The following UBE3A variants were observed in gnomAD, a reference collection of about 807,000 sequenced individuals.
UBE3A encodes ubiquitin-protein ligase E3A.
A neutral mutation model predicts 83.4 loss-of-function variants in UBE3A; 6 were observed. The ratio of observed to expected loss-of-function variants is 0.07; its 90% confidence interval spans 0.04 to 0.14. UBE3A has a LOEUF of 0.14. Ranked by LOEUF, UBE3A falls within the 10% of genes least tolerant of loss-of-function variation. The probability of loss-of-function intolerance (pLI) is 1.00; values close to 1 mark genes in which losing one functional copy is unlikely to be tolerated. For synonymous variants in UBE3A, 337 were observed against 355.4 expected (o/e 0.95, Z 0.58); for missense variants, 456 against 1,036.1 (o/e 0.44, Z 7.69).
intron 4 of UBE3A, among the ~76,000 whole-genome samples, chr15:25,389,656 G>C (rs1055506895): frequency 6.6e-6 from 1 of 152,194 alleles, no homozygotes; most frequent in South Asian, 2.1e-4. Context: ...GGGAGGCCAA[G>C]GTGGGTGGAT....
chr15:25,405,427 A>G (rs1267601785), intron 4 of UBE3A, 34 bp downstream of exon 4: 2 of 1,612,750 alleles, frequency 1.2e-6, no homozygotes, highest in East Asian at 2.2e-5. Flanking sequence ...GCAACTCAAA[A>G]TAAGAACCAC....
intron 7 of UBE3A, among the ~76,000 whole-genome samples, chr15:25,358,286 G>A (rs1047507100): frequency 6.6e-6 from 1 of 151,916 alleles, no homozygotes; most frequent in Admixed American, 6.6e-5. Context: ...GCATGGGGAT[G>A]GTTTGAGTCT....
intron 4 of UBE3A, among the ~76,000 whole-genome samples, chr15:25,378,835 A>C (rs938999655): frequency 6.6e-6 from 1 of 152,206 alleles, no homozygotes; most frequent in Non-Finnish European, 1.5e-5. Context: ...TTATGCATCT[A>C]TCTGGTACCA....
At chr15:25,418,674 A>G (rs1405993918) in intron 1 of UBE3A, 1 of 152,152 alleles carries the variant, frequency 6.6e-6, no homozygotes, top group East Asian at 1.9e-4. Context: ...AGGTGTATAC[A>G]TTTGTCACAG....
At chr15:25,398,885 C>T (rs534841256) in intron 4 of UBE3A, among the ~76,000 whole-genome samples, 30 of 143,712 alleles carry the variant, frequency 2.1e-4, no homozygotes, top group African/African-American at 7.1e-4. Flanking sequence ...TCTGAGCAAA[C>T]GTCATGCTAT....
chr15:25,419,517 A>C (rs1888674803), intron 1 of UBE3A: 1 of 152,114 alleles, frequency 6.6e-6, no homozygotes, highest in Non-Finnish European at 1.5e-5. Context: ...ATGTTTAAGA[A>C]ATTTTTTCAA....
chr15:25,379,618 A>T (rs1297755909), intron 4 of UBE3A, among the ~76,000 whole-genome samples: 4 of 152,144 alleles, frequency 2.6e-5, no homozygotes, highest in Non-Finnish European at 4.4e-5. Context: ...CTAATTTAGG[A>T]TATGTAAAAG....
At chr15:25,427,616 A>AAAC (rs1404636369) in intron 1 of UBE3A, among the ~76,000 whole-genome samples, 13 of 147,336 alleles carry the variant, frequency 8.8e-5, no homozygotes, top group African/African-American at 3.2e-4. Flanking sequence ...AAAAAAAAAA[A>AAAC]AAAAAAAAAA....
intron 2 of UBE3A, among the ~76,000 whole-genome samples, chr15:25,411,142 C>T (rs979716643): frequency 6.6e-6 from 1 of 152,198 alleles, no homozygotes; most frequent in African/African-American, 2.4e-5. Flanking sequence ...TCTGTTTGGT[C>T]ATTCACTAGC....
chr15:25,407,866 C>T (rs910934232), intron 3 of UBE3A: 1 of 151,742 alleles, frequency 6.6e-6, no homozygotes, highest in African/African-American at 2.4e-5. Context: ...AATTTCTACT[C>T]ATCCTAATAA....
At position 25,409,217 on chromosome 15, in the gene UBE3A, T is replaced by A; in HGVS notation, c.-100-10A>T. On this transcript the variant is annotated splice_polypyrimidine_tract_variant and intron_variant, in intron 2 of 12. Transcript: ENST00000648336. ...CGTAGGCTTAATAACTCTAATAAAT[T>A]AAACAAACCTTTGGTTAGAACACTT... is the stretch of plus-strand genomic sequence containing the variant. 9.9e-7 allele frequency: 1 copy of A among 1,008,816 alleles called. No homozygotes were observed. Among genetic ancestry groups the A allele is most frequent in the Non-Finnish European group, 1.5e-6 (1 of 669,190 alleles). 62.5% of individuals were successfully genotyped at this position (1,008,816 alleles called of 1,614,324 possible).
Position 25,409,193 on chromosome 15 carries a change from G to T in UBE3A, c.-86C>A. ...GTCTAGCTGCTACCTTGATCTGAGC[G>T]TAGGCTTAATAACTCTAATAAATTA... On this transcript the variant is annotated 5_prime_UTR_variant, in exon 3 of 13. Transcript: ENST00000648336. 1 of 1,319,766 alleles carries T rather than the reference G, an allele frequency of 7.6e-7. No homozygotes were observed. Among genetic ancestry groups the T allele is most frequent in the Non-Finnish European group, 1.1e-6 (1 of 935,036 alleles). 81.8% of individuals were successfully genotyped at this position (1,319,766 alleles called of 1,614,324 possible).
intron 11 of UBE3A, among the ~76,000 whole-genome samples, chr15:25,344,296 G>C (rs573831075): frequency 6.4e-4 from 98 of 152,246 alleles, no homozygotes; most frequent in African/African-American, 2.1e-3. Flanking sequence ...AAACACCTCT[G>C]CAATAATGTG....
intron 1 of UBE3A, among the ~76,000 whole-genome samples, chr15:25,427,160 T>C (rs140363545): frequency 1.6e-4 from 25 of 152,172 alleles, no homozygotes; most frequent in Non-Finnish European, 3.1e-4. Context: ...AATAACTGAA[T>C]GTGGGCATGA....
chr15:25,395,064 A>G (rs57503424), intron 4 of UBE3A, among the ~76,000 whole-genome samples: 3,822 of 152,306 alleles, frequency 0.025, 167 homozygotes, highest in African/African-American at 0.088. Flanking sequence ...AGCTCTCTGA[A>G]TCAAGTGAGG....
At chr15:25,397,975 A>G (rs1332506030) in intron 4 of UBE3A, among the ~76,000 whole-genome samples, 1 of 152,064 alleles carries the variant, frequency 6.6e-6, no homozygotes, top group Non-Finnish European at 1.5e-5. Flanking sequence ...CATCTCAGCT[A>G]TCTTTGTAAG....
chr15:25,378,361 A>T (rs1187460827), intron 4 of UBE3A, among the ~76,000 whole-genome samples: 3 of 152,158 alleles, frequency 2.0e-5, no homozygotes, highest in Non-Finnish European at 1.5e-5. Context: ...GATCCTAGGG[A>T]AACAATTGTC....
At chr15:25,408,699 T>C in intron 3 of UBE3A, 1 of 1,576,592 alleles carries the variant, frequency 6.3e-7, no homozygotes, top group Non-Finnish European at 8.6e-7. Context: ...GAGAGAAAAG[T>C]ATACTAGTTT....
chr15:25,399,472 G>A (rs7181129), intron 4 of UBE3A, among the ~76,000 whole-genome samples: 93,732 of 151,996 alleles, frequency 0.62, 32,609 homozygotes, highest in Non-Finnish European at 0.78. Context: ...CCCTTTCCCC[G>A]CTGTGTTCTT....
Sources: gnomAD v4.1 joint callset for allele counts (sites outside exome capture counted in the v4.1 genomes callset) on GRCh38, gnomAD v4.1.1 for gene constraint, MANE v1.5 for transcripts, NCBI Gene and HGNC (gene_info 2026-07-23, HGNC 2026-07-21) for gene names.